Variants in ZNF680 observed in about 807,000 individuals in gnomAD.
The protein encoded by ZNF680 is hypothetical protein FLJ90430.
Under a neutral mutation model 12.1 loss-of-function variants are expected in ZNF680, and 6 were observed. The observed-to-expected ratio is 0.49, with a 90% CI of 0.27 to 0.98. The LOEUF is 0.98. ZNF680 is among the 50% of genes least tolerant of loss of function. ZNF680 has a pLI of 0.12. For synonymous variants in ZNF680, 170 were observed against 199.3 expected (o/e 0.85, Z 1.24); for missense variants, 561 against 616.3 (o/e 0.91, Z 0.95).
chr7:64,557,250 CAA>C (rs879710584), intron 1 of ZNF680, among the ~76,000 whole-genome samples: 3 of 127,568 alleles, frequency 2.4e-5, no homozygotes, highest in African/African-American at 2.9e-5. Context: ...GACACTGTCT[CAA>C]AAAAAAAAAA....
At chr7:64,561,934 C>CAAAAAAAAAA (rs1187872173) in intron 1 of ZNF680, among the ~76,000 whole-genome samples, 3 of 80,330 alleles carry the variant, frequency 3.7e-5, no homozygotes, top group African/African-American at 8.9e-5. Flanking sequence ...GACTCCGTCT[C>CAAAAAAAAAA]AAAAAAAAAA....
At chr7:64,528,589 G>C (rs1180904426) in intron 3 of ZNF680, among the ~76,000 whole-genome samples, 2 of 152,132 alleles carry the variant, frequency 1.3e-5, no homozygotes, top group Non-Finnish European at 2.9e-5. Context: ...TGACTTGGCA[G>C]AAGCAGCCAT....
intron 3 of ZNF680, chr7:64,526,493 T>A (rs1472787410): frequency 1.1e-5 from 11 of 1,005,688 alleles, no homozygotes; most frequent in Non-Finnish European, 1.5e-5. Context: ...GAGTTCAAGA[T>A]CAGCCTGAGC....
At chr7:64,506,771 G>C in the ZNF680 span, among the ~76,000 whole-genome samples, 33 of 152,270 alleles carry the variant, frequency 2.2e-4, no homozygotes, top group East Asian at 1.5e-3. Context: ...CCTCTGTGCA[G>C]ACAAAGTTGC....
rs755078277 is a variant in ZNF680 at position 64,521,201 on chromosome 7, TAG to T, written c.1551_1552del (p.Tyr518GlnfsTer3). 4 of 1,612,644 alleles carry T rather than the reference TAG, an allele frequency of 2.5e-6. No individual in the cohort carries two copies. The highest frequency in any genetic ancestry group is 1.1e-5 in the South Asian group (1 of 90,804). ...ATTATTGTCACATTTTTCAGGTTTG[TAG>T]AGTTTCTCACCAGTATGAATTTTCT... On this transcript the variant is annotated frameshift_variant, in exon 4 of 4. Transcript: ENST00000309683. LOFTEE classifies it low-confidence loss of function (END_TRUNC).
rs375781947 is a variant in ZNF680 at position 64,562,905 on chromosome 7, G to A, written c.30+20C>T. On this transcript the variant is annotated intron_variant, in intron 1 of 3. Coordinates refer to ENST00000309683, the MANE Select transcript of ZNF680 (RefSeq NM_178558.5). ...AACCAGCCCCTCCCCCTCTCTCGGG[G>A]TGTCGGACCGCACTCTCACCATTTC... The A allele has an allele frequency of 5.0e-6, 8 of 1,613,544 alleles. No homozygotes were observed. Among genetic ancestry groups the A allele is most frequent in the Non-Finnish European group, 6.8e-6 (8 of 1,179,648 alleles).
chr7:64,560,759 C>A (rs1442491876), intron 1 of ZNF680, among the ~76,000 whole-genome samples: 5 of 150,982 alleles, frequency 3.3e-5, no homozygotes, highest in African/African-American at 1.2e-4. Flanking sequence ...TTGCAGTGAG[C>A]CAAGATCATG....
chr7:64,506,074 G>GT, the ZNF680 span, among the ~76,000 whole-genome samples: 6 of 151,996 alleles, frequency 3.9e-5, no homozygotes, highest in South Asian at 6.2e-4. Flanking sequence ...CACAGTTACA[G>GT]TTTTTTTACA....
At chr7:64,501,362 G>T in the ZNF680 span, 1 of 1,224,408 alleles carries the variant, frequency 8.2e-7, no homozygotes, top group Non-Finnish European at 1.2e-6. Flanking sequence ...GGACAGCAGG[G>T]ATCTTCCAAG....
rs1390620349 is a variant in ZNF680, at chr7:64,522,044, G to A, written c.710C>T (p.Pro237Leu). Reference protein sequence around the residue: ...KHKGIHMGEKPYKCEECGKAF... With the variant: ...KHKGIHMGEKLYKCEECGKAF... ...TTTGCCACATTCCTCACATTTGTAG[G>A]GTTTCTCTCCCATATGAATTCCCTT... Residue 237 changes from proline (P) to leucine (L), a missense_variant, in exon 4 of 4, where the codon CCC becomes CTC. Coordinates refer to ENST00000309683, the MANE Select transcript of ZNF680 (RefSeq NM_178558.5). 2 of 1,613,066 alleles carry A rather than the reference G, an allele frequency of 1.2e-6. No homozygotes were observed. The highest frequency in any genetic ancestry group is 1.7e-5 in the Admixed American group (1 of 59,928).
At chr7:64,529,441 C>A (rs1242951961) in intron 3 of ZNF680, among the ~76,000 whole-genome samples, 2 of 152,102 alleles carry the variant, frequency 1.3e-5, no homozygotes, top group African/African-American at 4.8e-5. Flanking sequence ...GAGAAATATT[C>A]AAGAAAATAG....
the ZNF680 span, among the ~76,000 whole-genome samples, chr7:64,509,450 T>C: frequency 4.6e-5 from 7 of 152,224 alleles, no homozygotes; most frequent in African/African-American, 1.7e-4. Context: ...TTTTTACACT[T>C]TTAAGGCATC....
intron 1 of ZNF680, among the ~76,000 whole-genome samples, chr7:64,545,773 TTAAA>T (rs1301355290): frequency 3.3e-5 from 5 of 152,174 alleles, no homozygotes; most frequent in African/African-American, 7.2e-5. Context: ...GCCATTCTGT[TTAAA>T]TAAGCATTTT....
intron 3 of ZNF680, among the ~76,000 whole-genome samples, chr7:64,539,377 A>AAAAAAAAAAAAAAAAAATAAT (rs1786375149): frequency 1.1e-5 from 1 of 88,922 alleles, no homozygotes; most frequent in Non-Finnish European, 2.4e-5. Context: ...AAAAAAAAAG[A>AAAAAAAAAAAAAAAAAATAAT]AAAGAAAATC....
At chr7:64,546,101 A>C (rs1324957710) in intron 1 of ZNF680, among the ~76,000 whole-genome samples, 1 of 152,200 alleles carries the variant, frequency 6.6e-6, no homozygotes, top group African/African-American at 2.4e-5. Context: ...CTAGCTCATT[A>C]GGGAGGAAAA....
the ZNF680 span, among the ~76,000 whole-genome samples, chr7:64,508,123 G>GTGTATATATATATATATA: frequency 1.1e-4 from 13 of 117,666 alleles, no homozygotes; most frequent in African/African-American, 5.5e-4. Context: ...ATTTTAAAAT[G>GTGTATATATATATATATA]TATATATATA....
At chr7:64,553,832 C>T (rs1363686071) in intron 1 of ZNF680, among the ~76,000 whole-genome samples, 1 of 152,206 alleles carries the variant, frequency 6.6e-6, no homozygotes, top group Non-Finnish European at 1.5e-5. Flanking sequence ...AGTGATCTGC[C>T]CGCCACGGCC....
chr7:64,525,798 T>C, intron 3 of ZNF680: 1 of 978,792 alleles, frequency 1.0e-6, no homozygotes, highest in Non-Finnish European at 1.2e-6. Context: ...AATAAATAGA[T>C]GTTGAAATTA....
chr7:64,539,609 G>A (rs1260424173), intron 3 of ZNF680, among the ~76,000 whole-genome samples: 2 of 152,194 alleles, frequency 1.3e-5, no homozygotes, highest in East Asian at 3.9e-4. Context: ...AAAACTTTTA[G>A]AAGTATTTTG....
Sources: allele counts gnomAD v4.1 joint callset (sites outside exome capture counted in the v4.1 genomes callset), GRCh38; gene constraint gnomAD v4.1.1; transcripts MANE v1.5; gene names NCBI Gene and HGNC (gene_info 2026-07-23, HGNC 2026-07-21).